The following DLGAP1 variants were observed in gnomAD, a reference collection of about 807,000 sequenced individuals.
DLGAP1 encodes the protein DLG associated protein 1.
DLGAP1 carries 11 observed loss-of-function variants against 90.8 expected under a neutral mutation model. The ratio of observed to expected loss-of-function variants is 0.12; its 90% CI spans 0.08 to 0.20. DLGAP1 has a LOEUF of 0.20. DLGAP1 is among the 10% of genes least tolerant of loss of function. The pLI is 1.00. For synonymous variants in DLGAP1, 558 were observed against 540.7 expected, an observed-to-expected ratio of 1.03 and a Z score of -0.44; for missense variants, 1,050 against 1,333.8, an observed-to-expected ratio of 0.79 and a Z score of 3.31.
At chr18:3,876,531 T>C (rs1248253023) in intron 4 of DLGAP1, among the ~76,000 whole-genome samples, 3 of 152,198 alleles carry the variant, frequency 2.0e-5, no homozygotes, top group African/African-American at 4.8e-5. Context: ...GGACAGAATA[T>C]GTTAAACTGT....
chr18:3,861,107 C>T (rs773723184), intron 4 of DLGAP1, among the ~76,000 whole-genome samples: 1 of 152,168 alleles, frequency 6.6e-6, no homozygotes, highest in African/African-American at 2.4e-5. Flanking sequence ...TTCCTATCAA[C>T]TTCGACGCTT....
chr18:3,972,837 C>A (rs1343796286), intron 3 of DLGAP1, among the ~76,000 whole-genome samples: 1 of 152,172 alleles, frequency 6.6e-6, no homozygotes, highest in African/African-American at 2.4e-5. Flanking sequence ...CGGGGAGGTG[C>A]CTATCCCTAG....
At chr18:4,107,384 G>A (rs919834139) in intron 2 of DLGAP1, among the ~76,000 whole-genome samples, 1 of 152,172 alleles carries the variant, frequency 6.6e-6, no homozygotes, top group African/African-American at 2.4e-5. Flanking sequence ...AAGCCCGTGC[G>A]ATCGATGAAG....
chr18:4,056,501 G>A (rs1302691085), intron 2 of DLGAP1, among the ~76,000 whole-genome samples: 1 of 152,186 alleles, frequency 6.6e-6, no homozygotes, highest in Non-Finnish European at 1.5e-5. Flanking sequence ...ACAACACATG[G>A]TTTTTAGATC....
chr18:4,401,735 C>T (rs2082558594), intron 1 of DLGAP1, among the ~76,000 whole-genome samples: 3 of 152,132 alleles, frequency 2.0e-5, no homozygotes, highest in Admixed American at 2.0e-4. Flanking sequence ...ATTTAACTTT[C>T]ATTTTTTAAA....
chr18:4,083,973 C>T (rs568047917), intron 2 of DLGAP1, among the ~76,000 whole-genome samples: 3 of 152,194 alleles, frequency 2.0e-5, no homozygotes, highest in African/African-American at 2.4e-5. Flanking sequence ...CTGGAAAAAT[C>T]GGATCACACG....
At chr18:4,449,811 A>G (rs2083773041) in intron 1 of DLGAP1, among the ~76,000 whole-genome samples, 1 of 152,200 alleles carries the variant, frequency 6.6e-6, no homozygotes, top group Admixed American at 6.5e-5. Flanking sequence ...GAAGTCCAGG[A>G]AAGAGGGAAC....
chr18:4,259,993 A>C (rs2078972517), intron 1 of DLGAP1, among the ~76,000 whole-genome samples: 1 of 152,176 alleles, frequency 6.6e-6, no homozygotes. Context: ...GATGAAAACA[A>C]TTTTATATAA....
chr18:3,828,569 G>A (rs2067851429), intron 4 of DLGAP1, among the ~76,000 whole-genome samples: 1 of 144,678 alleles, frequency 6.9e-6, no homozygotes, highest in Admixed American at 7.2e-5. Context: ...GAGCCTAGGA[G>A]CTGAAGGCTC....
intron 4 of DLGAP1, among the ~76,000 whole-genome samples, chr18:3,822,734 AG>A (rs1391505461): frequency 1.3e-5 from 2 of 152,188 alleles, no homozygotes; most frequent in Non-Finnish European, 2.9e-5. Flanking sequence ...GCAGTCCCCA[AG>A]GGATTGGGGA....
rs540457598 is a variant in DLGAP1 at position 4,117,314 on chromosome 18, G to C, written c.-159+33866C>G. On this transcript the variant is annotated intron_variant, in intron 2 of 12. Transcript: ENST00000315677. ...ATGGTGTCCCTAGCAAATTAATACA[G>C]GGTCACATTTTCCTATTTCTTTGCA... is the stretch of plus-strand genomic sequence containing the variant. Among the ~76,000 whole-genome samples the C allele has an allele frequency of 1.4e-4, 21 of 152,334 alleles. No homozygotes were observed. In the South Asian group the frequency reaches 4.3e-3, roughly 32 times the overall value.
intron 1 of DLGAP1, among the ~76,000 whole-genome samples, chr18:4,329,631 G>T (rs612015): frequency 6.6e-6 from 1 of 151,632 alleles, no homozygotes; most frequent in Non-Finnish European, 1.5e-5. Flanking sequence ...TCTGTGAAAA[G>T]GGAATATCTC....
At chr18:4,137,490 T>C in intron 2 of DLGAP1, among the ~76,000 whole-genome samples, 1 of 152,168 alleles carries the variant, frequency 6.6e-6, no homozygotes, top group East Asian at 1.9e-4. Context: ...GGTCTATGTG[T>C]CTGTTTTTAT....
intron 7 of DLGAP1, among the ~76,000 whole-genome samples, chr18:3,689,493 CT>C (rs909141392): frequency 6.6e-6 from 1 of 151,864 alleles, no homozygotes; most frequent in African/African-American, 2.4e-5. Flanking sequence ...TCATTGTATC[CT>C]TTTTTTTAAG....
intron 3 of DLGAP1, among the ~76,000 whole-genome samples, chr18:3,934,678 G>A (rs539282562): frequency 7.9e-5 from 12 of 152,274 alleles, no homozygotes; most frequent in Non-Finnish European, 1.3e-4. Context: ...GATCACACAC[G>A]CTGTCTATGT....
At chr18:4,016,065 AT>A (rs1316704416) in intron 2 of DLGAP1, among the ~76,000 whole-genome samples, 1 of 152,250 alleles carries the variant, frequency 6.6e-6, no homozygotes, top group East Asian at 1.9e-4. Context: ...AACACATGCT[AT>A]CAGCAGATTT....
intron 1 of DLGAP1, among the ~76,000 whole-genome samples, chr18:4,390,683 T>C (rs1226136753): frequency 1.3e-5 from 2 of 152,214 alleles, no homozygotes; most frequent in African/African-American, 2.4e-5. Context: ...TCATGTCTTT[T>C]TGTGGCTTGA....
chr18:3,973,317 C>G (rs913283021), intron 3 of DLGAP1, among the ~76,000 whole-genome samples: 1 of 136,884 alleles, frequency 7.3e-6, no homozygotes, highest in Non-Finnish European at 1.6e-5. Context: ...AAAGTCAATA[C>G]ATTTGCTTTT....
At chr18:4,133,543 C>T (rs2076351722) in intron 2 of DLGAP1, among the ~76,000 whole-genome samples, 1 of 152,078 alleles carries the variant, frequency 6.6e-6, no homozygotes, top group Non-Finnish European at 1.5e-5. Context: ...TTATACATGG[C>T]CACAGGAAGT....
Sources: gnomAD v4.1 joint callset for allele counts (sites outside exome capture counted in the v4.1 genomes callset) on GRCh38, gnomAD v4.1.1 for gene constraint, MANE v1.5 for transcripts, NCBI Gene and HGNC (gene_info 2026-07-23, HGNC 2026-07-21) for gene names.